ARMH1: variants seen among roughly 807,000 people sequenced by gnomAD.
ARMH1 encodes armadillo like helical domain containing 1, also known as armadillo-like helical domain containing protein 1.
A neutral mutation model predicts 50.2 loss-of-function variants in ARMH1; 34 were observed. That is an observed-to-expected ratio of 0.68 (90% CI 0.51 to 0.90). The LOEUF is 0.90. Among genes scored for constraint, ARMH1 ranks in the 40% least tolerant of loss-of-function variants. The pLI, the probability that ARMH1 is intolerant of heterozygous loss-of-function variation, is 0.00. For missense variants in ARMH1, 538 were observed against 553.9 expected (o/e 0.97, Z 0.29); for synonymous variants, 221 against 224.2 (o/e 0.99, Z 0.13).
chr1:44,684,129 A>C (rs1645394630), intron 1 of ARMH1, among the ~76,000 whole-genome samples: 4 of 152,238 alleles, frequency 2.6e-5, no homozygotes, highest in Admixed American at 2.6e-4. Flanking sequence ...CAGGAAACAC[A>C]GCTAACATCA....
chr1:44,724,457 G>A lies in ARMH1; in HGVS notation c.920+65G>A. 6.5e-7 allele frequency: 1 copy of A among 1,527,568 alleles called. No homozygotes were observed. The highest frequency in any genetic ancestry group is 8.8e-7 in the Non-Finnish European group (1 of 1,138,704). The allele number at this position is 1,527,568 out of a possible 1,614,324, so 94.6% of individuals were successfully genotyped here. ...GGCTTGGCGCTGCCGGCGGGCCCCGGGAGCGCTCCGTGCGCCGGGTGGGCG... is the reference window on the plus strand; with the variant it reads ...GGCTTGGCGCTGCCGGCGGGCCCCGAGAGCGCTCCGTGCGCCGGGTGGGCG... On this transcript the variant is annotated intron_variant, in intron 8 of 11. Transcript: ENST00000535358. The surrounding 1 kb of genome is among the most constrained non-coding windows in gnomAD (Gnocchi z 6.4).
At chr1:44,710,542 G>A (rs963979854) in intron 6 of ARMH1, among the ~76,000 whole-genome samples, 2 of 148,720 alleles carry the variant, frequency 1.3e-5, no homozygotes, top group Non-Finnish European at 3.0e-5. Flanking sequence ...CCAGGAGGTG[G>A]AGCTTGCAGT....
At chr1:44,675,509 A>T (rs1367184990) in intron 1 of ARMH1, among the ~76,000 whole-genome samples, 1 of 151,952 alleles carries the variant, frequency 6.6e-6, no homozygotes, top group Non-Finnish European at 1.5e-5. Context: ...TTAAAATTTT[A>T]AAAATTAGCC....
chr1:44,703,445 G>A (rs538469432), intron 5 of ARMH1, among the ~76,000 whole-genome samples: 24 of 151,876 alleles, frequency 1.6e-4, no homozygotes, highest in African/African-American at 4.6e-4. Context: ...CACCTTGGGC[G>A]GGCACAGTGG....
chr1:44,712,910 C>T (rs897020636), intron 6 of ARMH1, among the ~76,000 whole-genome samples: 1 of 152,032 alleles, frequency 6.6e-6, no homozygotes, highest in Non-Finnish European at 1.5e-5. Flanking sequence ...GTGATATACC[C>T]GCCTCAGCCT....
At chr1:44,707,215 C>T (rs1423094419) in intron 6 of ARMH1, among the ~76,000 whole-genome samples, 1 of 152,070 alleles carries the variant, frequency 6.6e-6, no homozygotes, top group African/African-American at 2.4e-5. Flanking sequence ...TCAGCACAGT[C>T]CCCAGCATGT....
intron 2 of ARMH1, among the ~76,000 whole-genome samples, chr1:44,690,448 A>G (rs1021846925): frequency 1.3e-5 from 2 of 152,118 alleles, no homozygotes; most frequent in Non-Finnish European, 2.9e-5. Context: ...TCAGAGTTGA[A>G]GTAGGTATAC....
In ARMH1 at chr1:44,707,789, G is replaced by A. The variant is rs757056148; in HGVS notation, c.724+3616G>A. 5.9e-5 allele frequency among the ~76,000 whole-genome samples: 9 copies of A among 152,214 alleles called. No individual in the cohort carries two copies. The South Asian group carries it at 1.7e-3, about 28-fold the overall frequency. ...ACTGGCCACAGCTTCTTCCAATATC[G>A]GCCTAAGTTAGAGTCCTTCTGCATT... On this transcript the variant is annotated intron_variant, in intron 6 of 11. Transcript: ENST00000535358.
chr1:44,714,704 G>A (rs1186408737), intron 6 of ARMH1, among the ~76,000 whole-genome samples: 2 of 152,056 alleles, frequency 1.3e-5, no homozygotes, highest in Non-Finnish European at 2.9e-5. Flanking sequence ...GCCTTGTTCT[G>A]TCACCTAGGC....
intron 1 of ARMH1, among the ~76,000 whole-genome samples, chr1:44,688,560 C>T (rs1053422569): frequency 4.6e-5 from 7 of 152,228 alleles, no homozygotes; most frequent in African/African-American, 1.4e-4. Flanking sequence ...ATCTCTCCTA[C>T]ACACAAGCTG....
At position 44,683,487 on chromosome 1, in the gene ARMH1, A is replaced by G. The variant is rs1645375880; in HGVS notation, c.-22-6189A>G. On this transcript the variant is annotated intron_variant, in intron 1 of 11. Transcript: ENST00000535358. The surrounding 1 kb of genome is among the most constrained non-coding windows in gnomAD (Gnocchi z 4.2). ...ACTAAGAACGGGAAAACGACCTGCA[A>G]AGGCACTATCCTGCAATGGCAACTG... is the stretch of plus-strand genomic sequence containing the variant. Among the ~76,000 whole-genome samples, 1 of 152,272 alleles carries G rather than the reference A, an allele frequency of 6.6e-6. No homozygotes were observed. The highest frequency in any genetic ancestry group is 1.5e-5 in the Non-Finnish European group (1 of 68,048).
rs182782819 is a variant in ARMH1 at position 44,718,454 on chromosome 1, C to T, written c.725-5668C>T. ...ATACTTTGGGGTTTCAGGCAGCAGC[C>T]GGTGCAGGCTACGGCTGCCAAGCAG... On this transcript the variant is annotated intron_variant, in intron 6 of 11. Coordinates refer to ENST00000535358, the MANE Select transcript of ARMH1 (RefSeq NM_001145636.2). Among the ~76,000 whole-genome samples, 13 of 152,334 alleles carry T rather than the reference C, an allele frequency of 8.5e-5. No homozygotes were observed. In the East Asian group the frequency reaches 2.1e-3, roughly 25 times the overall value.
In ARMH1 at chr1:44,683,036, C is replaced by T. The variant is rs761554128; in HGVS notation, c.-22-6640C>T. ...GGAGGCTGTTGCAGTAATCCATATGCGGAACAAGGGTGTGAAACTGAAATA... is the reference window on the plus strand; with the variant it reads ...GGAGGCTGTTGCAGTAATCCATATGTGGAACAAGGGTGTGAAACTGAAATA... On this transcript the variant is annotated intron_variant, in intron 1 of 11. Transcript: ENST00000535358. This position sits in a 1 kb window ranked among gnomAD's most constrained non-coding sequence, Gnocchi z 4.2. Among the ~76,000 whole-genome samples the T allele has an allele frequency of 3.3e-5, 5 of 152,148 alleles. No individual in the cohort carries two copies. The highest frequency in any genetic ancestry group is 5.9e-5 in the Non-Finnish European group (4 of 68,034).
chr1:44,699,473 G>A (rs915707863), intron 4 of ARMH1, among the ~76,000 whole-genome samples: 12 of 151,742 alleles, frequency 7.9e-5, no homozygotes, highest in Non-Finnish European at 1.5e-4. Flanking sequence ...TTTTTGAGAC[G>A]GAGTCTCACT....
At chr1:44,710,020 GT>G (rs1350926727) in intron 6 of ARMH1, among the ~76,000 whole-genome samples, 2 of 152,186 alleles carry the variant, frequency 1.3e-5, no homozygotes, top group Admixed American at 6.5e-5. Flanking sequence ...TAATAGCGAA[GT>G]TGAAAGTATG....
At position 44,687,222 on chromosome 1, in the gene ARMH1, T is replaced by C. The variant is rs145980433; in HGVS notation, c.-22-2454T>C. ...TGCAGATGACCATGTTTTCCCTGTGTCTTCACCTGGTTTTCTCTCTGTGTA... is the reference window on the plus strand; with the variant it reads ...TGCAGATGACCATGTTTTCCCTGTGCCTTCACCTGGTTTTCTCTCTGTGTA... On this transcript the variant is annotated intron_variant, in intron 1 of 11. Coordinates refer to ENST00000535358, the MANE Select transcript of ARMH1 (RefSeq NM_001145636.2). Among the ~76,000 whole-genome samples, 391 of 152,344 alleles carry C rather than the reference T, an allele frequency of 2.6e-3. 1 individual carries two copies. The highest frequency in any genetic ancestry group is 8.9e-3 in the African/African-American group (369 of 41,572).
chr1:44,703,190 T>C (rs531440424), intron 5 of ARMH1, among the ~76,000 whole-genome samples: 1 of 152,296 alleles, frequency 6.6e-6, no homozygotes, highest in Admixed American at 6.5e-5. Flanking sequence ...TTTAGGATCT[T>C]GAATGAGTTC....
Position 44,724,385 on chromosome 1 carries a change from G to A in ARMH1, c.913G>A (p.Ala305Thr). Residue 305 changes from alanine (A) to threonine (T), a missense_variant, in exon 8 of 12, where the codon GCC (alanine) becomes ACC (threonine). Ala to Thr is a moderately conservative substitution (Grantham distance 58). Transcript: ENST00000535358. This position sits in a 1 kb window ranked among gnomAD's most constrained non-coding sequence, Gnocchi z 6.4. ...MFLQQAAAAK[A>T]IGVLARNDMS... The stretch of plus-strand genomic sequence containing the variant: ...TTTGCAGCAGGCCGCGGCCGCCAAG[G>A]CCATCGGGTAAGCGGGCAGGGGTTA... The A allele has an allele frequency of 6.5e-7, 1 of 1,550,356 alleles. No individual in the cohort carries two copies. Among genetic ancestry groups the A allele is most frequent in the Non-Finnish European group, 8.7e-7 (1 of 1,146,882 alleles).
intron 6 of ARMH1, chr1:44,721,950 TC>T (rs2148792585): frequency 6.6e-6 from 1 of 152,342 alleles, no homozygotes; most frequent in African/African-American, 2.4e-5. Flanking sequence ...CTGGTCTCCC[TC>T]TACTTACGGT....
Sources: allele counts gnomAD v4.1 joint callset (sites outside exome capture counted in the v4.1 genomes callset), GRCh38; gene constraint gnomAD v4.1.1; non-coding constraint Gnocchi (gnomAD v3.1); transcripts MANE v1.5; gene names NCBI Gene and HGNC (gene_info 2026-07-23, HGNC 2026-07-21).